Variants in SLC44A5 observed in about 807,000 individuals in gnomAD.
SLC44A5 encodes the protein solute carrier family 44 member 5, also known as choline transporter-like protein 5.
Under a neutral mutation model 101.8 loss-of-function variants are expected in SLC44A5, and 57 were observed. The observed-to-expected ratio is 0.56, with a 90% CI of 0.45 to 0.70. The LOEUF (loss-of-function observed/expected upper bound fraction) is 0.70, where lower values mean the gene tolerates loss of function less well. Among genes scored for constraint, SLC44A5 ranks in the 30% least tolerant of loss-of-function variants. SLC44A5 has a pLI of 0.00. For synonymous variants in SLC44A5, 281 were observed against 290.9 expected (o/e 0.97, Z 0.35); for missense variants, 737 against 853.1 (o/e 0.86, Z 1.70).
At chr1:75,418,476 A>G (rs1261440341) in intron 2 of SLC44A5, among the ~76,000 whole-genome samples, 4 of 152,174 alleles carry the variant, frequency 2.6e-5, no homozygotes, top group Admixed American at 6.5e-5. Context: ...GGGGTAAAAA[A>G]TCACTCTGAG....
intron 5 of SLC44A5, among the ~76,000 whole-genome samples, chr1:75,298,979 A>T (rs1196546595): frequency 6.6e-6 from 1 of 152,194 alleles, no homozygotes; most frequent in African/African-American, 2.4e-5. Context: ...CCATCAAAAA[A>T]TGCTGAAACT....
chr1:75,238,706 A>G, intron 9 of SLC44A5, 70 bp from the exon 10 acceptor site: 1 of 1,072,598 alleles, frequency 9.3e-7, no homozygotes, highest in Non-Finnish European at 1.3e-6. Context: ...TCCCTTTCTT[A>G]AGCTTTCTGT....
At position 75,218,759 on chromosome 1, in the gene SLC44A5, T is replaced by C; in HGVS notation, c.1267-7A>G. 6.2e-7 allele frequency: 1 copy of C among 1,605,128 alleles called. No homozygotes were observed. The highest frequency in any genetic ancestry group is 8.5e-7 in the Non-Finnish European group (1 of 1,176,414). ...TTTCAGTTGTATTAAAAATCTGCAT[T>C]GAGAAAAAGGAACACAAGGACATAA... On this transcript the variant is annotated splice_polypyrimidine_tract_variant and splice_region_variant and intron_variant, in intron 16 of 23. Transcript: ENST00000370859.
chr1:75,348,967 C>A lies in SLC44A5; in HGVS notation c.53-9337G>T, dbSNP rs192555193. Among the ~76,000 whole-genome samples the A allele has an allele frequency of 3.3e-5, 5 of 152,242 alleles. No individual in the cohort carries two copies. In the East Asian group the frequency reaches 9.6e-4, roughly 29 times the overall value. The stretch of plus-strand genomic sequence containing the variant: ...AAATTTGACATCAGATTAGACACAG[C>A]TGAAGAGACAATTAGCAAACTAGAA... On this transcript the variant is annotated intron_variant, in intron 3 of 23. Coordinates refer to ENST00000370859, the MANE Select transcript of SLC44A5 (RefSeq NM_001130058.2).
chr1:75,390,476 A>G (rs552310709), intron 3 of SLC44A5, among the ~76,000 whole-genome samples: 2 of 152,256 alleles, frequency 1.3e-5, no homozygotes, highest in South Asian at 2.1e-4. Flanking sequence ...CATCCTATCA[A>G]TTAAGATTTA....
At chr1:75,660,032 T>G in the SLC44A5 span, among the ~76,000 whole-genome samples, 1 of 152,028 alleles carries the variant, frequency 6.6e-6, no homozygotes, top group Non-Finnish European at 1.5e-5. Flanking sequence ...GGTGAAGCCC[T>G]GTCTGTACTA....
intron 3 of SLC44A5, among the ~76,000 whole-genome samples, chr1:75,360,955 CCATTT>C (rs1420193968): frequency 1.3e-5 from 2 of 152,090 alleles, no homozygotes; most frequent in Non-Finnish European, 2.9e-5. Flanking sequence ...AGATATCTTT[CCATTT>C]ATTTGTGTTT....
intron 2 of SLC44A5, among the ~76,000 whole-genome samples, chr1:75,507,513 T>G (rs748084518): frequency 4.6e-5 from 7 of 152,204 alleles, no homozygotes; most frequent in Non-Finnish European, 1.0e-4. Context: ...GTGGTTTTAT[T>G]TTTTCATTGT....
chr1:75,203,892 C>G lies in SLC44A5; in HGVS notation c.2048-59G>C, dbSNP rs551888405. 2.7e-6 allele frequency: 4 copies of G among 1,482,528 alleles called. No individual in the cohort carries two copies. In the South Asian group the frequency reaches 4.1e-5, roughly 15 times the overall value. The allele number at this position is 1,482,528 out of a possible 1,614,324, so 91.8% of individuals were successfully genotyped here. A position where few individuals can be genotyped will look rare whatever the true frequency, so the allele number is the denominator to read the frequency against. On this transcript the variant is annotated intron_variant, in intron 23 of 23. Transcript: ENST00000370859. ...AGCAGAACTGTAAGAGAAGTAACAC[C>G]GCCATCTGCTGTATACTCGCTTTAC...
the SLC44A5 span, among the ~76,000 whole-genome samples, chr1:75,619,925 T>G: frequency 6.6e-6 from 1 of 152,318 alleles, no homozygotes; most frequent in East Asian, 1.9e-4. Context: ...GGTGGTTTGC[T>G]GCATCCATCA....
intron 3 of SLC44A5, among the ~76,000 whole-genome samples, chr1:75,342,490 A>G (rs1408726051): frequency 6.6e-6 from 1 of 152,160 alleles, no homozygotes; most frequent in Non-Finnish European, 1.5e-5. Context: ...AATTTTCCCT[A>G]GCTCACTCAG....
chr1:75,554,185 T>C (rs976598318), intron 1 of SLC44A5, among the ~76,000 whole-genome samples: 1 of 151,562 alleles, frequency 6.6e-6, no homozygotes, highest in African/African-American at 2.4e-5. Context: ...TAAAAGTAAT[T>C]GAAGTATCAG....
At chr1:75,221,960 CTTT>C (rs1386952425) in intron 14 of SLC44A5, among the ~76,000 whole-genome samples, 2 of 97,166 alleles carry the variant, frequency 2.1e-5, no homozygotes, top group African/African-American at 7.1e-5. Context: ...TCTTCTTCTT[CTTT>C]TTTTTTTTTT....
At chr1:75,324,802 A>T (rs1239199439) in intron 4 of SLC44A5, among the ~76,000 whole-genome samples, 1 of 152,176 alleles carries the variant, frequency 6.6e-6, no homozygotes, top group Non-Finnish European at 1.5e-5. Flanking sequence ...TTTAACCCAT[A>T]ATTTTTATCT....
the SLC44A5 span, among the ~76,000 whole-genome samples, chr1:75,701,000 T>A: frequency 6.6e-6 from 1 of 152,104 alleles, no homozygotes; most frequent in Non-Finnish European, 1.5e-5. Flanking sequence ...GGCTCTGAAA[T>A]AGAGGCAATA....
At chr1:75,606,767 C>G (rs147061181) in intron 1 of SLC44A5, among the ~76,000 whole-genome samples, 1,737 of 152,114 alleles carry the variant, frequency 0.011, 40 homozygotes, top group African/African-American at 0.04. Flanking sequence ...CCTGATCTTA[C>G]CTGACCTATG....
rs373647914 is a variant in SLC44A5 at position 75,575,433 on chromosome 1, T to C, written c.-69-33917A>G. Among the ~76,000 whole-genome samples, 77 of 152,320 alleles carry C rather than the reference T, an allele frequency of 5.1e-4. No homozygotes were observed. In the South Asian group the frequency reaches 8.5e-3, roughly 17 times the overall value. On this transcript the variant is annotated intron_variant, in intron 1 of 23. Transcript: ENST00000370859. ...TATTATTGACTATGCACTACATTTGTATTGATTTGGTGAATGTATTGCTGA... is the reference window on the plus strand; with the variant it reads ...TATTATTGACTATGCACTACATTTGCATTGATTTGGTGAATGTATTGCTGA...
the SLC44A5 span, among the ~76,000 whole-genome samples, chr1:75,634,146 C>A: frequency 0.49 from 74,614 of 151,876 alleles, 19,570 homozygotes; most frequent in East Asian, 0.93. Flanking sequence ...AGTATTTTTG[C>A]ATCAATGTTC....
intron 2 of SLC44A5, among the ~76,000 whole-genome samples, chr1:75,423,498 T>C (rs1664132569): frequency 6.6e-6 from 1 of 152,254 alleles, no homozygotes; most frequent in Non-Finnish European, 1.5e-5. Flanking sequence ...TATTTTGACC[T>C]TAAATTCCTA....
Sources: gnomAD v4.1 joint callset for allele counts (sites outside exome capture counted in the v4.1 genomes callset) on GRCh38, gnomAD v4.1.1 for gene constraint, MANE v1.5 for transcripts, NCBI Gene and HGNC (gene_info 2026-07-23, HGNC 2026-07-21) for gene names.